The following MCU variants were observed in gnomAD, a reference collection of about 807,000 sequenced individuals.
The protein encoded by MCU is calcium uniporter protein, mitochondrial.
In MCU, 12 loss-of-function variants were observed where a neutral mutation model predicts 45.2. That is an observed-to-expected ratio of 0.27 (90% CI 0.17 to 0.43). The LOEUF is 0.43. Ranked by LOEUF, MCU falls within the 20% of genes least tolerant of loss-of-function variation. MCU has a pLI of 1.00. For synonymous variants in MCU, 160 were observed against 165.1 expected, an observed-to-expected ratio of 0.97 and a Z score of 0.24; for missense variants, 324 against 436.7, an observed-to-expected ratio of 0.74 and a Z score of 2.30.
At chr10:72,848,452 T>A (rs1271909950) in intron 2 of MCU, among the ~76,000 whole-genome samples, 1 of 146,568 alleles carries the variant, frequency 6.8e-6, no homozygotes, top group Non-Finnish European at 1.5e-5. Context: ...ACTCACCGTT[T>A]TTGGGAGTGG....
chr10:72,863,197 A>G (rs995306969), intron 4 of MCU, among the ~76,000 whole-genome samples: 4 of 152,086 alleles, frequency 2.6e-5, no homozygotes, highest in Admixed American at 6.5e-5. Flanking sequence ...GACTCTTCCA[A>G]TAAGCCTTTA....
intron 1 of MCU, among the ~76,000 whole-genome samples, chr10:72,796,700 T>G (rs1439304217): frequency 2.0e-5 from 3 of 150,250 alleles, no homozygotes; most frequent in South Asian, 2.1e-4. Context: ...TTTGTTTTTT[T>G]TTTTTTTTGT....
At chr10:72,745,562 T>G (rs1056140347) in intron 1 of MCU, among the ~76,000 whole-genome samples, 4 of 152,178 alleles carry the variant, frequency 2.6e-5, no homozygotes, top group African/African-American at 9.7e-5. Flanking sequence ...ATAGCTACTA[T>G]AGCATGCTTC....
intron 1 of MCU, among the ~76,000 whole-genome samples, chr10:72,823,350 C>A (rs1396179780): frequency 6.6e-6 from 1 of 152,162 alleles, no homozygotes; most frequent in Non-Finnish European, 1.5e-5. Flanking sequence ...TCTTTATATG[C>A]AAATAAGCAT....
At chr10:72,829,581 A>G (rs1472905405) in intron 1 of MCU, among the ~76,000 whole-genome samples, 2 of 150,828 alleles carry the variant, frequency 1.3e-5, no homozygotes, top group Admixed American at 1.3e-4. Flanking sequence ...TCAGTCAAAT[A>G]TTTATTAAAA....
intron 3 of MCU, chr10:72,859,956 A>C (rs1845351536): frequency 6.5e-6 from 1 of 153,638 alleles, no homozygotes; most frequent in Non-Finnish European, 1.4e-5. Flanking sequence ...ATTTCTACTC[A>C]TCTGGCAATA....
chr10:72,878,791 C>T (rs1845656867), intron 6 of MCU, among the ~76,000 whole-genome samples: 1 of 152,012 alleles, frequency 6.6e-6, no homozygotes, highest in Non-Finnish European at 1.5e-5. Context: ...GTAAGAGACA[C>T]AGTATACAGT....
At position 72,736,781 on chromosome 10, in the gene MCU, A is replaced by G. The variant is rs77559776; in HGVS notation, c.150+44480A>G. Among the ~76,000 whole-genome samples, 129 of 152,328 alleles carry G rather than the reference A, an allele frequency of 8.5e-4. 1 individual carries two copies. Among genetic ancestry groups the G allele is most frequent in the Non-Finnish European group, 1.4e-3 (95 of 68,030 alleles). On this transcript the variant is annotated intron_variant, in intron 1 of 7. Transcript: ENST00000373053. Reference sequence around the variant, plus strand: ...AATATGCTTCCTTTGCCTTAGCTCAATAGTGCCCTTTTGATGATTTTTTAG... The same window carrying G: ...AATATGCTTCCTTTGCCTTAGCTCAGTAGTGCCCTTTTGATGATTTTTTAG...
chr10:72,763,778 A>G (rs1341122282), intron 1 of MCU, among the ~76,000 whole-genome samples: 1 of 152,150 alleles, frequency 6.6e-6, no homozygotes, highest in African/African-American at 2.4e-5. Flanking sequence ...CTTTTACTAT[A>G]TAGTTCAGGT....
intron 1 of MCU, among the ~76,000 whole-genome samples, chr10:72,772,665 C>T (rs763845739): frequency 2.6e-5 from 4 of 152,180 alleles, no homozygotes; most frequent in Non-Finnish European, 5.9e-5. Flanking sequence ...CCACTGCACT[C>T]CAGCCTGGTG....
At position 72,853,588 on chromosome 10, in the gene MCU, A is replaced by C. The variant is rs79037179; in HGVS notation, c.221-5589A>C. Among the ~76,000 whole-genome samples, 939 of 152,354 alleles carry C rather than the reference A, an allele frequency of 6.2e-3. 6 individuals are homozygous for C. The highest frequency in any genetic ancestry group is 0.037 in the East Asian group (190 of 5,194). ...GCAGACAGAAAAAAATAATAGTTGA[A>C]TAAAGGTCAAAAGTTTTCCAAATTT... On this transcript the variant is annotated intron_variant, in intron 2 of 7. Transcript: ENST00000373053.
intron 3 of MCU, chr10:72,859,988 G>C: frequency 6.5e-6 from 1 of 154,670 alleles, no homozygotes; most frequent in South Asian, 2.0e-4. Context: ...CCAGCTGGTG[G>C]ATGTATAATA....
chr10:72,832,932 C>CTGTGTGTGTGTGTGTGTGTGTGTGTG (rs1399130294), intron 1 of MCU, among the ~76,000 whole-genome samples: 1,233 of 57,190 alleles, frequency 0.022, 30 homozygotes, highest in Middle Eastern at 0.068. Flanking sequence ...AAACCAATAG[C>CTGTGTGTGTGTGTGTGTGTGTGTGTG]TATGTGTGTG....
chr10:72,851,674 T>C (rs1845209068), intron 2 of MCU, among the ~76,000 whole-genome samples: 1 of 152,218 alleles, frequency 6.6e-6, no homozygotes, highest in South Asian at 2.1e-4. Flanking sequence ...TGATGTTATC[T>C]GCATGAGTGG....
chr10:72,866,408 G>T (rs1476915864), intron 4 of MCU, among the ~76,000 whole-genome samples: 3 of 151,950 alleles, frequency 2.0e-5, no homozygotes, highest in African/African-American at 4.8e-5. Context: ...GGGTTTTTTT[G>T]TGTTTTTTTG....
chr10:72,773,587 A>C (rs902614923), intron 1 of MCU, among the ~76,000 whole-genome samples: 1 of 152,202 alleles, frequency 6.6e-6, no homozygotes, highest in Non-Finnish European at 1.5e-5. Flanking sequence ...AATAACAGGT[A>C]ATTTTTTAAA....
intron 1 of MCU, among the ~76,000 whole-genome samples, chr10:72,801,048 G>T (rs1844331342): frequency 6.6e-6 from 1 of 152,086 alleles, no homozygotes; most frequent in Admixed American, 6.5e-5. Flanking sequence ...ATGATTGATT[G>T]CACCACTGCA....
chr10:72,829,323 A>T (rs1589483780), intron 1 of MCU, among the ~76,000 whole-genome samples: 1 of 19,630 alleles, frequency 5.1e-5, no homozygotes, highest in Middle Eastern at 0.028. Context: ...ACACTGTCTC[A>T]AAAAAAAAAA....
rs1845768733 is a variant in MCU at position 72,885,932 on chromosome 10, T to C, written c.*110T>C. 2 of 760,638 alleles carry C rather than the reference T, an allele frequency of 2.6e-6. No homozygotes were observed. The highest frequency in any genetic ancestry group is 4.4e-6 in the Non-Finnish European group (2 of 455,882). The allele number at this position is 760,638 out of a possible 1,614,324, so 47.1% of individuals were successfully genotyped here. A position where few individuals can be genotyped will look rare whatever the true frequency, so the allele number is the denominator to read the frequency against. On this transcript the variant is annotated 3_prime_UTR_variant, in exon 8 of 8. Transcript: ENST00000373053. ...TGTGGGGGGTAGAGCGTTTTTACCTTTAATTATAAAACAAAAACAGAAAGG... is the reference window on the plus strand; with the variant it reads ...TGTGGGGGGTAGAGCGTTTTTACCTCTAATTATAAAACAAAAACAGAAAGG...
Sources: gnomAD v4.1 joint callset for allele counts (sites outside exome capture counted in the v4.1 genomes callset) on GRCh38, gnomAD v4.1.1 for gene constraint, MANE v1.5 for transcripts, NCBI Gene and HGNC (gene_info 2026-07-23, HGNC 2026-07-21) for gene names.